CROCC2: variants seen among roughly 807,000 people sequenced by gnomAD.
CROCC2 encodes the protein ciliary rootlet coiled-coil, rootletin family member 2.
In CROCC2, 163 loss-of-function variants were observed where a neutral mutation model predicts 177.6. That is an observed-to-expected ratio of 0.92 (90% CI 0.81 to 1.05). The LOEUF is 1.05. Ranked by LOEUF, CROCC2 falls within the 50% of genes least tolerant of loss-of-function variation. The probability of loss-of-function intolerance (pLI) is 0.00; values close to 1 mark genes in which losing one functional copy is unlikely to be tolerated. For synonymous variants in CROCC2, 904 were observed against 787.3 expected (o/e 1.15, Z -2.48); for missense variants, 1,929 against 1,797.8 (o/e 1.07, Z -1.32).
At chr2:240,920,896 C>T (rs776555021) in intron 3 of CROCC2, among the ~76,000 whole-genome samples, 8 of 152,230 alleles carry the variant, frequency 5.3e-5, no homozygotes, top group Non-Finnish European at 1.2e-4. Flanking sequence ...GGCAAGGAGC[C>T]AGTGCGTGGA....
Position 240,949,421 on chromosome 2 carries a change from G to C in CROCC2, c.2483-112G>C. ...TGCCATGTGCTGGCCACCCACTCCC[G>C]GAGCCTGGAGTGGACAGTGCTTGCC... On this transcript the variant is annotated intron_variant, in intron 16 of 31. Transcript: ENST00000690015. The surrounding 1 kb of genome is among the most constrained non-coding windows in gnomAD (Gnocchi z 4.5). The C allele has an allele frequency of 1.5e-6, 2 of 1,336,326 alleles. No homozygotes were observed. The highest frequency in any genetic ancestry group is 2.0e-6 in the Non-Finnish European group (2 of 979,446). 82.8% of individuals were successfully genotyped at this position (1,336,326 alleles called of 1,614,324 possible).
chr2:240,933,946 T>TAA (rs1252462731), intron 11 of CROCC2, 94 bp downstream of exon 11: 103 of 1,330,284 alleles, frequency 7.7e-5, no homozygotes, highest in Non-Finnish European at 1.0e-4. Context: ...ACGGGTCTGC[T>TAA]TTTTCACCTG....
chr2:240,940,605 A>G (rs1230116326), intron 14 of CROCC2, among the ~76,000 whole-genome samples: 1 of 146,546 alleles, frequency 6.8e-6, no homozygotes, highest in South Asian at 2.2e-4. Context: ...TCACATGATC[A>G]TCTCAATAGA....
rs2059724518 is a variant in CROCC2 at position 240,972,035 on chromosome 2, T to G, written c.4401+3773T>G. On this transcript the variant is annotated intron_variant, in intron 27 of 31. Coordinates refer to ENST00000690015, the MANE Select transcript of CROCC2 (RefSeq NM_001351305.2). The surrounding 1 kb of genome is among the most constrained non-coding windows in gnomAD (Gnocchi z 7.1). ...CCATCTTCTGGTGTGTGTCAGTAGC[T>G]CACTTCTCTGTTTAATTAGAGACTC... Among the ~76,000 whole-genome samples, 1 of 152,080 alleles carries G rather than the reference T, an allele frequency of 6.6e-6. No individual in the cohort carries two copies. Among genetic ancestry groups the G allele is most frequent in the African/African-American group, 2.4e-5 (1 of 41,446 alleles).
chr2:240,912,886 A>T (rs942302673), intron 1 of CROCC2, among the ~76,000 whole-genome samples: 2 of 152,220 alleles, frequency 1.3e-5, no homozygotes, highest in African/African-American at 4.8e-5. Context: ...GGAGATCCCA[A>T]GGGACCAAGT....
At chr2:240,985,794 CCACTCCACACACACCCAGGCACT>C (rs1251239425) in intron 28 of CROCC2, 9 of 324,750 alleles carry the variant, frequency 2.8e-5, no homozygotes, top group South Asian at 6.5e-5. Context: ...ACCCAGGCAC[CCACTCCACACACACCCAGGCACT>C]CACTCCACAC....
At chr2:240,926,731 G>T (rs190626338) in intron 5 of CROCC2, among the ~76,000 whole-genome samples, 1 of 152,330 alleles carries the variant, frequency 6.6e-6, no homozygotes, top group East Asian at 1.9e-4. Flanking sequence ...TCCCAGCCCC[G>T]AGCCCCCCAC....
At chr2:240,922,800 C>A (rs2059365308) in intron 4 of CROCC2, among the ~76,000 whole-genome samples, 155 bp downstream of exon 4, 1 of 152,176 alleles carries the variant, frequency 6.6e-6, no homozygotes, top group African/African-American at 2.4e-5. Flanking sequence ...CCTCCATGGC[C>A]TGGCAGGGCA....
At chr2:240,959,131 C>A in intron 19 of CROCC2, 170 bp from the exon 20 acceptor site, 1 of 700,820 alleles carries the variant, frequency 1.4e-6, no homozygotes, top group Non-Finnish European at 2.3e-6. Context: ...GCCTGTTTGA[C>A]AGTTTAGGAA....
chr2:240,920,573 C>T (rs905377030), intron 3 of CROCC2, among the ~76,000 whole-genome samples: 2 of 152,224 alleles, frequency 1.3e-5, no homozygotes, highest in East Asian at 3.8e-4. Flanking sequence ...CCAGATGGAG[C>T]TCGCAGAGAA....
intron 28 of CROCC2, among the ~76,000 whole-genome samples, chr2:240,986,664 T>C (rs1179198171): frequency 1.3e-5 from 2 of 152,134 alleles, no homozygotes; most frequent in Non-Finnish European, 2.9e-5. Flanking sequence ...GCAGGTGTCT[T>C]TGGACTTCCA....
chr2:240,935,009 T>G lies in CROCC2; in HGVS notation c.1885T>G (p.Leu629Val), dbSNP rs1366317448. The G allele has an allele frequency of 7.6e-6, 11 of 1,438,960 alleles. No homozygotes were observed. Among genetic ancestry groups the G allele is most frequent in the Non-Finnish European group, 1.0e-5 (11 of 1,094,046 alleles). The allele number at this position is 1,438,960 out of a possible 1,614,324, so 89.1% of individuals were successfully genotyped here. A position where few individuals can be genotyped will look rare whatever the true frequency, so the allele number is the denominator to read the frequency against. Reference protein sequence around the residue: ...QRDSLAAMAALMEGLAQDKSA... With the variant: ...QRDSLAAMAAVMEGLAQDKSA... ...GGACTCCCTGGCCGCAATGGCCGCC[T>G]TGATGGAGGGGTTGGCTCAGGACAA... Residue 629 changes from leucine to valine, a missense_variant, in exon 13 of 32, where the codon TTG becomes GTG. Coordinates refer to ENST00000690015, the MANE Select transcript of CROCC2 (RefSeq NM_001351305.2).
At position 240,973,324 on chromosome 2, in the gene CROCC2, C is replaced by T. The variant is rs111289877; in HGVS notation, c.4401+5062C>T. Reference sequence around the variant, plus strand: ...CCAGCCCGTGGTGTCAGGACACGCACGGAACGCAGCAGCAGTGCCCAAGTA... The same window carrying T: ...CCAGCCCGTGGTGTCAGGACACGCATGGAACGCAGCAGCAGTGCCCAAGTA... On this transcript the variant is annotated intron_variant, in intron 27 of 31. Coordinates refer to ENST00000690015, the MANE Select transcript of CROCC2 (RefSeq NM_001351305.2). This position sits in a 1 kb window ranked among gnomAD's most constrained non-coding sequence, Gnocchi z 4.7. Among the ~76,000 whole-genome samples, 3 of 152,158 alleles carry T rather than the reference C, an allele frequency of 2.0e-5. No homozygotes were observed. Among genetic ancestry groups the T allele is most frequent in the Non-Finnish European group, 2.9e-5 (2 of 68,030 alleles).
intron 27 of CROCC2, among the ~76,000 whole-genome samples, chr2:240,975,752 A>G (rs1574792774): frequency 8.6e-6 from 1 of 115,612 alleles, no homozygotes; most frequent in Middle Eastern, 5.2e-3. Flanking sequence ...TTTTTGAGAC[A>G]GAGTTTTGCT....
Position 240,949,187 on chromosome 2 carries a change from C to T in CROCC2, c.2482+90C>T, listed in dbSNP as rs1179484899. The T allele has an allele frequency of 4.1e-6, 6 of 1,448,748 alleles. No homozygotes were observed. In the South Asian group the frequency reaches 5.9e-5, roughly 14 times the overall value. 89.7% of individuals were successfully genotyped at this position (1,448,748 alleles called of 1,614,324 possible). The stretch of plus-strand genomic sequence containing the variant: ...GAGCTCAGTGCCCACACGTGCTGCA[C>T]CCCCTCTCCGGAGCCCACAGGGGCA... On this transcript the variant is annotated intron_variant, in intron 16 of 31. Coordinates refer to ENST00000690015, the MANE Select transcript of CROCC2 (RefSeq NM_001351305.2). This position sits in a 1 kb window ranked among gnomAD's most constrained non-coding sequence, Gnocchi z 4.5.
At chr2:240,926,035 G>A (rs866752125) in intron 5 of CROCC2, among the ~76,000 whole-genome samples, 155 bp downstream of exon 5, 1 of 152,226 alleles carries the variant, frequency 6.6e-6, no homozygotes, top group South Asian at 2.1e-4. Flanking sequence ...TCCCCAACCC[G>A]GCTTGGCCAC....
chr2:240,940,855 G>C (rs1299311022), intron 14 of CROCC2, among the ~76,000 whole-genome samples: 1 of 152,130 alleles, frequency 6.6e-6, no homozygotes, highest in Non-Finnish European at 1.5e-5. Context: ...GGAGCAATCA[G>C]ACAAGAGAAA....
intron 29 of CROCC2, among the ~76,000 whole-genome samples, chr2:240,989,399 C>A (rs1231400614): frequency 1.3e-5 from 2 of 152,160 alleles, no homozygotes; most frequent in Non-Finnish European, 2.9e-5. Context: ...ACCTGGGGTG[C>A]CATGAAAACA....
intron 3 of CROCC2, among the ~76,000 whole-genome samples, chr2:240,920,443 A>C (rs777115540): frequency 2.6e-5 from 4 of 152,204 alleles, no homozygotes; most frequent in Non-Finnish European, 5.9e-5. Flanking sequence ...CCTGCCCGGG[A>C]GCCCTGTGGG....
Sources: gnomAD v4.1 joint callset for allele counts (sites outside exome capture counted in the v4.1 genomes callset) on GRCh38, gnomAD v4.1.1 for gene constraint, Gnocchi (gnomAD v3.1) non-coding constraint, MANE v1.5 for transcripts, NCBI Gene and HGNC (gene_info 2026-07-23, HGNC 2026-07-21) for gene names.